Variants in PLXDC2 observed in about 807,000 individuals in gnomAD.
PLXDC2 encodes the protein plexin domain-containing protein 2.
A neutral mutation model predicts 68.9 loss-of-function variants in PLXDC2; 40 were observed. The observed-to-expected ratio is 0.58, with a 90% CI of 0.45 to 0.76. The LOEUF (loss-of-function observed/expected upper bound fraction) is 0.76. Among genes scored for constraint, PLXDC2 ranks in the 30% least tolerant of loss-of-function variants. The pLI, the probability that PLXDC2 is intolerant of heterozygous loss-of-function variation, is 0.00. For missense variants in PLXDC2, 644 were observed against 661.9 expected (o/e 0.97, Z 0.30); for synonymous variants, 243 against 234.2 (o/e 1.04, Z -0.34).
rs548920234 is a variant in PLXDC2 at position 20,241,987 on chromosome 10, A to C, written c.1313-3358A>C. Among the ~76,000 whole-genome samples, 7 of 152,210 alleles carry C rather than the reference A, an allele frequency of 4.6e-5. No individual in the cohort carries two copies. In the South Asian group the frequency reaches 1.5e-3, roughly 32 times the overall value. ...ATGGATGGAGAAAGGGAGGATAAGA[A>C]ACAGCAAGAAAGAGAGGGATGGAGG... On this transcript the variant is annotated intron_variant, in intron 12 of 13. Transcript: ENST00000377252.
Position 20,087,979 on chromosome 10 carries a change from G to A in PLXDC2, c.541+19740G>A, listed in dbSNP as rs546248894. On this transcript the variant is annotated intron_variant, in intron 4 of 13. Transcript: ENST00000377252. ...GCCTTAACTTGAACGCTAATGAAGTGCATTTTAGCCCATGTAGAATGAAAG... is the reference window on the plus strand; with the variant it reads ...GCCTTAACTTGAACGCTAATGAAGTACATTTTAGCCCATGTAGAATGAAAG... Among the ~76,000 whole-genome samples, 4 of 152,280 alleles carry A rather than the reference G, an allele frequency of 2.6e-5. No homozygotes were observed. In the South Asian group the frequency reaches 6.2e-4, roughly 24 times the overall value.
intron 1 of PLXDC2, among the ~76,000 whole-genome samples, chr10:19,965,091 C>G (rs1465258790): frequency 2.0e-5 from 3 of 152,152 alleles, no homozygotes; most frequent in African/African-American, 7.2e-5. Context: ...TACAGTAATG[C>G]ATTTCACAGC....
intron 1 of PLXDC2, among the ~76,000 whole-genome samples, chr10:19,902,923 A>C (rs1179968805): frequency 6.6e-6 from 1 of 152,164 alleles, no homozygotes; most frequent in Non-Finnish European, 1.5e-5. Flanking sequence ...TTTTTTCTAC[A>C]TCTATTGAGA....
In PLXDC2 at chr10:20,162,061, A is replaced by G. The variant is rs1304036787; in HGVS notation, c.784-2407A>G. On this transcript the variant is annotated intron_variant, in intron 6 of 13. Coordinates refer to ENST00000377252, the MANE Select transcript of PLXDC2 (RefSeq NM_032812.9). ...GAAAGAAAGAGAGAGAGAGAGAGAG[A>G]GAGAGAGAGAGAAGGAAGGAAGGAA... Among the ~76,000 whole-genome samples the G allele has an allele frequency of 1.7e-4, 19 of 113,346 alleles. 2 individuals carry two copies. In the East Asian group the frequency reaches 5.0e-3, roughly 30 times the overall value. The allele number at this position is 113,346 out of a possible 152,430, so 74.4% of individuals were successfully genotyped here. A position where few individuals can be genotyped will look rare whatever the true frequency, so the allele number is the denominator to read the frequency against.
chr10:19,962,502 C>A (rs1473282272), intron 1 of PLXDC2, among the ~76,000 whole-genome samples: 1 of 148,380 alleles, frequency 6.7e-6, no homozygotes, highest in African/African-American at 2.5e-5. Flanking sequence ...GCCATTCTCC[C>A]GCCTCAGCCT....
intron 2 of PLXDC2, among the ~76,000 whole-genome samples, chr10:20,035,621 G>A (rs867280330): frequency 2.0e-5 from 3 of 152,002 alleles, no homozygotes; most frequent in African/African-American, 4.8e-5. Flanking sequence ...GTTTGAACCC[G>A]GGAGGTGGAA....
intron 1 of PLXDC2, among the ~76,000 whole-genome samples, chr10:19,983,018 AC>A (rs1430585283): frequency 1.3e-5 from 2 of 152,202 alleles, no homozygotes; most frequent in Non-Finnish European, 2.9e-5. Flanking sequence ...ATGTTAACAT[AC>A]TTTTTACACC....
chr10:20,039,075 C>A (rs537788511), intron 2 of PLXDC2, among the ~76,000 whole-genome samples: 2 of 152,266 alleles, frequency 1.3e-5, no homozygotes, highest in East Asian at 3.9e-4. Context: ...AGGGACCAAG[C>A]CAGTGAGAAC....
chr10:19,848,423 T>C (rs542276888), intron 1 of PLXDC2, among the ~76,000 whole-genome samples: 1 of 152,284 alleles, frequency 6.6e-6, no homozygotes, highest in Non-Finnish European at 1.5e-5. Flanking sequence ...TATCTGTTGG[T>C]GACTTCTACC....
intron 1 of PLXDC2, among the ~76,000 whole-genome samples, chr10:19,927,427 C>A (rs149470506): frequency 1.3e-5 from 2 of 151,930 alleles, no homozygotes; most frequent in African/African-American, 4.8e-5. Context: ...ATTGGCTGGG[C>A]GCGGTGGCTC....
intron 2 of PLXDC2, among the ~76,000 whole-genome samples, chr10:20,016,843 C>G (rs1835221074): frequency 6.6e-6 from 1 of 152,154 alleles, no homozygotes; most frequent in South Asian, 2.1e-4. Flanking sequence ...ATATTAGCAG[C>G]CTCACTCCTT....
chr10:20,107,705 G>C (rs1833509890), intron 4 of PLXDC2, among the ~76,000 whole-genome samples: 1 of 152,004 alleles, frequency 6.6e-6, no homozygotes, highest in South Asian at 2.1e-4. Flanking sequence ...GTAGAAAAGA[G>C]GTATTCAATT....
chr10:20,198,974 A>G (rs1834881448), intron 9 of PLXDC2, among the ~76,000 whole-genome samples: 1 of 152,090 alleles, frequency 6.6e-6, no homozygotes, highest in Non-Finnish European at 1.5e-5. Context: ...GTCTTTCACC[A>G]TAATGTATGA....
chr10:20,174,309 TA>T (rs144690233), intron 7 of PLXDC2, among the ~76,000 whole-genome samples: 4 of 138,860 alleles, frequency 2.9e-5, no homozygotes, highest in East Asian at 2.6e-4. Context: ...TCTTAAAAAC[TA>T]AAAAAAAAAT....
intron 9 of PLXDC2, among the ~76,000 whole-genome samples, chr10:20,185,160 GAAAAAAAAAAAAA>G (rs11307851): frequency 1.8e-5 from 1 of 55,992 alleles, no homozygotes; most frequent in African/African-American, 7.2e-5. Flanking sequence ...GAACTGAAAG[GAAAAAAAAAAAAA>G]AAAAAAAAAA....
chr10:20,069,601 G>T (rs1310575772), intron 4 of PLXDC2, among the ~76,000 whole-genome samples: 9 of 152,160 alleles, frequency 5.9e-5, no homozygotes, highest in African/African-American at 2.2e-4. Context: ...GCTGCACCGA[G>T]CTATGGTCAT....
intron 1 of PLXDC2, among the ~76,000 whole-genome samples, chr10:19,897,416 GT>G (rs537245883): frequency 6.6e-6 from 1 of 151,266 alleles, no homozygotes; most frequent in Non-Finnish European, 1.5e-5. Context: ...GTTTTGTATT[GT>G]TTTTTTTAGT....
chr10:20,011,416 A>G (rs1055436955), intron 2 of PLXDC2, among the ~76,000 whole-genome samples: 3 of 152,194 alleles, frequency 2.0e-5, no homozygotes, highest in Non-Finnish European at 2.9e-5. Flanking sequence ...ATCCCACACC[A>G]TATGGTCCAG....
chr10:19,919,525 A>T (rs557060224), intron 1 of PLXDC2, among the ~76,000 whole-genome samples: 1 of 152,370 alleles, frequency 6.6e-6, no homozygotes, highest in Admixed American at 6.5e-5. Context: ...AAATTAACAA[A>T]TTGAGCTGAT....
Sources: allele counts gnomAD v4.1 joint callset (sites outside exome capture counted in the v4.1 genomes callset), GRCh38; gene constraint gnomAD v4.1.1; transcripts MANE v1.5; gene names NCBI Gene and HGNC (gene_info 2026-07-23, HGNC 2026-07-21).